The following ABTB1 variants were observed in gnomAD, a reference collection of about 807,000 sequenced individuals.
The protein encoded by ABTB1 is ankyrin repeat and BTB/POZ domain-containing protein 1.
ABTB1 carries 45 observed loss-of-function variants against 57.1 expected under a neutral mutation model. That is an observed-to-expected ratio of 0.79 (90% CI 0.62 to 1.01). The LOEUF (loss-of-function observed/expected upper bound fraction) is 1.01. Ranked by LOEUF, ABTB1 falls within the 50% of genes least tolerant of loss-of-function variation. The pLI is 0.00. For missense variants in ABTB1, 630 were observed against 666.3 expected, an observed-to-expected ratio of 0.95 and a Z score of 0.60; for synonymous variants, 302 against 275.4, an observed-to-expected ratio of 1.10 and a Z score of -0.95.
chr3:127,677,021 A>G lies in ABTB1; in HGVS notation c.581A>G (p.Gln194Arg), dbSNP rs1376902949. Reference protein sequence around the residue: ...HVSDCERLAKQCQLWDLLSDL... With the variant: ...HVSDCERLAKRCQLWDLLSDL... ...AGTGACTGTGAGCGCCTGGCCAAGC[A>G]ATGCCAGCTGTGGGACCTGCTCAGC... The change falls in exon 7 of 12, where the codon CAA becomes CGA. Residue 194 changes from glutamine (Q) to arginine (R), a missense_variant. By Grantham distance (43) the Gln-to-Arg change is conservative (BLOSUM62 1). Transcript: ENST00000232744. 1 of 1,614,096 alleles carries G rather than the reference A, an allele frequency of 6.2e-7. No homozygotes were observed. The highest frequency in any genetic ancestry group is 8.5e-7 in the Non-Finnish European group (1 of 1,180,000).
chr3:127,674,988 C>T (rs889130278), intron 3 of ABTB1, among the ~76,000 whole-genome samples: 36 of 152,154 alleles, frequency 2.4e-4, no homozygotes, highest in Admixed American at 2.3e-3. Flanking sequence ...CAGGGTCTGC[C>T]CTCCCACTGG....
rs765463378 is a variant in ABTB1 at position 127,679,989 on chromosome 3, C to A, written c.1034C>A (p.Ser345Tyr). The A allele has an allele frequency of 6.2e-7, 1 of 1,613,358 alleles. No individual in the cohort carries two copies. The highest frequency in any genetic ancestry group is 1.3e-5 in the African/African-American group (1 of 75,052). The change falls in exon 11 of 12, where the codon TCC (serine) becomes TAC (tyrosine). Residue 345 changes from serine (S) to tyrosine (Y), a missense_variant. By Grantham distance (144) the Ser-to-Tyr change is moderately radical (BLOSUM62 -2). Transcript: ENST00000232744. ...TCATCCCTGTCTTCACTGCAGCTGT[C>A]CCCCGAGGCAGCCTATGATGTGCTG... ...YYMYSDHTEL[S>Y]PEAAYDVLSV... is the part of the protein sequence containing the mutation.
At chr3:127,674,258 C>T in intron 1 of ABTB1, 133 bp from the exon 2 acceptor site, 1 of 1,197,666 alleles carries the variant, frequency 8.3e-7, no homozygotes. Context: ...TCTGGTCTGC[C>T]TGTCACCTGC....
At chr3:127,675,264 C>CTTTTTTTTTTTTTTTTT (rs1170878832) in intron 3 of ABTB1, among the ~76,000 whole-genome samples, 1 of 123,816 alleles carries the variant, frequency 8.1e-6, no homozygotes, top group Non-Finnish European at 1.7e-5. Flanking sequence ...TTGGTTTTTT[C>CTTTTTTTTTTTTTTTTT]TTTTTTTTTT....
At chr3:127,679,654 C>A (rs573437707) in intron 10 of ABTB1, 2 of 517,620 alleles carry the variant, frequency 3.9e-6, no homozygotes, top group Admixed American at 4.5e-5. Context: ...TGCCCAGGGC[C>A]CCACAGCTAG....
rs992756753 is a variant in ABTB1 at position 127,676,181 on chromosome 3, T to C, written c.320+67T>C. On this transcript the variant is annotated intron_variant, in intron 4 of 11. Transcript: ENST00000232744. This position sits in a 1 kb window ranked among gnomAD's most constrained non-coding sequence, Gnocchi z 5.4. ...GCCCTGGTGGGTGTGGCGAGTCTGC[T>C]CTGACTGTGGCCTGCACTGGGTTCT... 55 of 1,606,934 alleles carry C rather than the reference T, an allele frequency of 3.4e-5. 2 individuals carry two copies. The African/African-American group carries it at 5.9e-4, about 17-fold the overall frequency.
chr3:127,676,908 T>C lies in ABTB1; in HGVS notation c.527-59T>C. 6.5e-7 allele frequency: 1 copy of C among 1,548,126 alleles called. No homozygotes were observed. Among genetic ancestry groups the C allele is most frequent in the South Asian group, 1.1e-5 (1 of 87,090 alleles). On this transcript the variant is annotated intron_variant, in intron 6 of 11. Transcript: ENST00000232744. This position sits in a 1 kb window ranked among gnomAD's most constrained non-coding sequence, Gnocchi z 5.4. The stretch of plus-strand genomic sequence containing the variant: ...CCAGGTGGGAGGGGATCACCCTTTT[T>C]CTGTGGGCCTGATGACAGCTGAGGT...
chr3:127,679,255 G>C (rs1320152638), intron 10 of ABTB1: 3 of 307,806 alleles, frequency 9.7e-6, no homozygotes, highest in Non-Finnish European at 1.3e-5. Flanking sequence ...CATGGGGATA[G>C]CTCTCGTCGT....
chr3:127,680,673 C>G lies in ABTB1; in HGVS notation c.*198C>G, dbSNP rs199506319. 10 of 757,816 alleles carry G rather than the reference C, an allele frequency of 1.3e-5. No individual in the cohort carries two copies. The highest frequency in any genetic ancestry group is 2.3e-4 in the Middle Eastern group (1 of 4,340). The allele number at this position is 757,816 out of a possible 1,614,324, so 46.9% of individuals were successfully genotyped here. On this transcript the variant is annotated 3_prime_UTR_variant, in exon 12 of 12. Transcript: ENST00000232744. ...TCCATTTGGGATGAGCCCCCTCCCC[C>G]CAATGCACAAGCCAGCCCCCAAGAC...
intron 1 of ABTB1, chr3:127,673,318 G>C: frequency 2.9e-6 from 1 of 347,224 alleles, no homozygotes; most frequent in East Asian, 4.9e-5. Context: ...TGTAAGAAGG[G>C]ACTGCTCAGC....
rs748026336 is a variant in ABTB1, at chr3:127,677,259, C to T, written c.735C>T (p.Ala245=). ...TCCGGGAGGACATGGCGCTGCTGGC[C>T]GATTGTGCCCTGCCCCCCGAGCTCC... ...PRLREDMALL[A]DCALPPELRG... The change falls in exon 8 of 12, where the codon GCC becomes GCT. Residue 245 remains alanine, a synonymous_variant. Transcript: ENST00000232744. The T allele has an allele frequency of 7.5e-6, 12 of 1,593,700 alleles. No homozygotes were observed. The highest frequency in any genetic ancestry group is 2.3e-5 in the East Asian group (1 of 44,098).
chr3:127,677,347 C>G, intron 8 of ABTB1, 61 bp downstream of exon 8: 1 of 1,562,054 alleles, frequency 6.4e-7, no homozygotes. Context: ...GACAGGCAGC[C>G]CAGATACTTG....
At chr3:127,677,377 T>C (rs1658037) in intron 8 of ABTB1, 88 bp from the exon 9 acceptor site, 1,153,574 of 1,564,286 alleles carry the variant, frequency 0.74, 428,435 homozygotes, top group Non-Finnish European at 0.76. Flanking sequence ...CCTTGTGTGG[T>C]CCTGGACCAG....
rs569664905 is a variant in ABTB1, at chr3:127,676,037, C to G, written c.243C>G (p.Ile81Met). ...RCLYGALSDPIRRALRDYKQV... is the reference protein window; with the variant it reads ...RCLYGALSDPMRRALRDYKQV... ...TCTATGGGGCACTGAGTGACCCCAT[C>G]CGCCGGGCTCTACGCGATTACAAGC... The change falls in exon 4 of 12, where the codon ATC becomes ATG. Residue 81 changes from isoleucine to methionine, a missense_variant. Physicochemically the swap from Ile to Met is conservative, Grantham distance 10. Transcript: ENST00000232744. The surrounding 1 kb of genome is among the most constrained non-coding windows in gnomAD (Gnocchi z 5.4). 6.8e-6 allele frequency: 11 copies of G among 1,613,082 alleles called. No individual in the cohort carries two copies. In the South Asian group the frequency reaches 1.1e-4, roughly 16 times the overall value.
At position 127,673,774 on chromosome 3, in the gene ABTB1, G is replaced by C. The variant is rs189175130; in HGVS notation, c.57-617G>C. Among the ~76,000 whole-genome samples, 794 of 152,328 alleles carry C rather than the reference G, an allele frequency of 5.2e-3. 7 individuals carry two copies. Among genetic ancestry groups the C allele is most frequent in the African/African-American group, 0.018 (748 of 41,568 alleles). ...CCGTAGCCTCCCTGGGCCGCTCCCT[G>C]ACATCCCGTGCCACTCAAGAGTTAG... On this transcript the variant is annotated intron_variant, in intron 1 of 11. Coordinates refer to ENST00000232744, the MANE Select transcript of ABTB1 (RefSeq NM_172027.3).
At position 127,674,712 on chromosome 3, in the gene ABTB1, C is replaced by T. The variant is rs72967683; in HGVS notation, c.175+112C>T. The T allele has an allele frequency of 6.3e-5, 81 of 1,284,858 alleles. No individual in the cohort carries two copies. In the African/African-American group the frequency reaches 1.1e-3, roughly 17 times the overall value. The allele number at this position is 1,284,858 out of a possible 1,614,324, so 79.6% of individuals were successfully genotyped here. On this transcript the variant is annotated intron_variant, in intron 3 of 11. Transcript: ENST00000232744. ...GCCTTGATACACATTTGCAAAGCAC[C>T]ACGATTCCTCTCTTACCACCCAGTC...
intron 3 of ABTB1, 129 bp from the exon 4 acceptor site, chr3:127,675,841 A>G: frequency 7.7e-7 from 1 of 1,294,570 alleles, no homozygotes; most frequent in Non-Finnish European, 1.1e-6. Context: ...GAGTGGGCCC[A>G]GGGTAATTTG....
At chr3:127,679,459 G>A (rs2075070978) in intron 10 of ABTB1, 1 of 453,584 alleles carries the variant, frequency 2.2e-6, no homozygotes, top group East Asian at 7.0e-5. Flanking sequence ...CTGTAGGTGG[G>A]CTCTGTGTCC....
chr3:127,676,639 G>A lies in ABTB1; in HGVS notation c.526+58G>A. The A allele has an allele frequency of 1.3e-6, 2 of 1,598,780 alleles. No homozygotes were observed. The highest frequency in any genetic ancestry group is 1.7e-6 in the Non-Finnish European group (2 of 1,168,240). The stretch of plus-strand genomic sequence containing the variant: ...GAGTGGGCCGTCCTTCTGGACAGCA[G>A]TACACCTAGGTGTGGCTGGGCTGAC... On this transcript the variant is annotated intron_variant, in intron 6 of 11. Transcript: ENST00000232744. This position sits in a 1 kb window ranked among gnomAD's most constrained non-coding sequence, Gnocchi z 5.4.
Sources: allele counts gnomAD v4.1 joint callset (sites outside exome capture counted in the v4.1 genomes callset), GRCh38; gene constraint gnomAD v4.1.1; non-coding constraint Gnocchi (gnomAD v3.1); transcripts MANE v1.5; gene names NCBI Gene and HGNC (gene_info 2026-07-23, HGNC 2026-07-21).